Variants in KHDRBS2 observed in about 807,000 individuals in gnomAD.
KHDRBS2 encodes KH domain-containing, RNA-binding, signal transduction-associated protein 2.
KHDRBS2 carries 26 observed loss-of-function variants against 44.3 expected under a neutral mutation model. That is an observed-to-expected ratio of 0.59 (90% confidence interval 0.43 to 0.81). The LOEUF (loss-of-function observed/expected upper bound fraction) is 0.81. Ranked by LOEUF, KHDRBS2 falls within the 40% of genes least tolerant of loss-of-function variation. The pLI, the probability that KHDRBS2 is intolerant of heterozygous loss-of-function variation, is 0.00. For missense variants in KHDRBS2, 476 were observed against 433.1 expected (o/e 1.10, Z -0.88); for synonymous variants, 194 against 151.1 (o/e 1.28, Z -2.08).
rs565131976 is a variant in KHDRBS2, at chr6:62,037,423, G to GA, written c.336+10454dup. Among the ~76,000 whole-genome samples the GA allele has an allele frequency of 2.4e-3, 346 of 144,600 alleles. 1 individual carries two copies. The highest frequency in any genetic ancestry group is 3.1e-3 in the Non-Finnish European group (202 of 65,720). 94.9% of individuals were successfully genotyped at this position (144,600 alleles called of 152,430 possible). On this transcript the variant is annotated intron_variant, in intron 3 of 8. Transcript: ENST00000281156. ...AGAGTCATTTGGTGTTTCAAATTCT[G>GA]AAAAAAAAATATTCTGATAATTATT...
intron 3 of KHDRBS2, among the ~76,000 whole-genome samples, chr6:61,982,546 C>G (rs1774064806): frequency 1.3e-5 from 2 of 151,914 alleles, no homozygotes; most frequent in South Asian, 4.1e-4. Context: ...TGGCGCATGC[C>G]TGTAATCCCA....
intron 1 of KHDRBS2, among the ~76,000 whole-genome samples, chr6:62,201,735 C>A (rs894003728): frequency 2.0e-5 from 3 of 151,942 alleles, no homozygotes; most frequent in Non-Finnish European, 4.4e-5. Flanking sequence ...GTGCCTAATA[C>A]CTTAAGCTAG....
intron 2 of KHDRBS2, among the ~76,000 whole-genome samples, chr6:62,105,021 T>A (rs2127377290): frequency 6.6e-6 from 1 of 152,240 alleles, no homozygotes; most frequent in East Asian, 1.9e-4. Flanking sequence ...ATGCTGTGTC[T>A]GTAAATTGAA....
chr6:61,591,179 C>T, the KHDRBS2 span, among the ~76,000 whole-genome samples: 26,041 of 152,062 alleles, frequency 0.17, 2,470 homozygotes, highest in East Asian at 0.29. Flanking sequence ...ATTCCTTCAT[C>T]ATTGACAGAG....
intron 6 of KHDRBS2, among the ~76,000 whole-genome samples, chr6:61,849,104 T>C (rs1408078034): frequency 2.0e-5 from 3 of 152,106 alleles, no homozygotes. Flanking sequence ...TCAGTAGAGA[T>C]GCTAATATTT....
chr6:61,579,202 C>T, the KHDRBS2 span, among the ~76,000 whole-genome samples: 1 of 152,104 alleles, frequency 6.6e-6, no homozygotes, highest in African/African-American at 2.4e-5. Context: ...TATTCTGTGC[C>T]CAGCTCAGTT....
intron 8 of KHDRBS2, among the ~76,000 whole-genome samples, chr6:61,686,780 C>A (rs1397328535): frequency 6.6e-6 from 1 of 151,166 alleles, no homozygotes; most frequent in African/African-American, 2.4e-5. Flanking sequence ...AACCCTTTCT[C>A]TTTTTCCTCT....
At chr6:61,601,838 C>A in the KHDRBS2 span, among the ~76,000 whole-genome samples, 1 of 152,146 alleles carries the variant, frequency 6.6e-6, no homozygotes, top group Non-Finnish European at 1.5e-5. Flanking sequence ...CACACCTGGT[C>A]CAGCTTACAG....
chr6:61,653,923 A>G, the KHDRBS2 span, among the ~76,000 whole-genome samples: 1 of 152,034 alleles, frequency 6.6e-6, no homozygotes, highest in African/African-American at 2.4e-5. Context: ...AAAGTCCAAA[A>G]TAAGTTTAAC....
intron 3 of KHDRBS2, among the ~76,000 whole-genome samples, chr6:62,000,462 C>T (rs1373965013): frequency 6.6e-6 from 1 of 152,072 alleles, no homozygotes; most frequent in African/African-American, 2.4e-5. Context: ...GAATAAGCAA[C>T]AATGAGATCT....
the KHDRBS2 span, among the ~76,000 whole-genome samples, chr6:61,588,559 G>A: frequency 6.6e-6 from 1 of 152,020 alleles, no homozygotes; most frequent in Non-Finnish European, 1.5e-5. Flanking sequence ...GAGGTGGGAG[G>A]GTTGTTTGAG....
intron 6 of KHDRBS2, among the ~76,000 whole-genome samples, chr6:61,890,197 A>C (rs1195200586): frequency 6.6e-6 from 1 of 152,254 alleles, no homozygotes; most frequent in African/African-American, 2.4e-5. Context: ...ACCTAAAATA[A>C]GATGGAGGCT....
chr6:61,746,781 G>T (rs1241792802), intron 6 of KHDRBS2, among the ~76,000 whole-genome samples: 2 of 152,070 alleles, frequency 1.3e-5, no homozygotes, highest in Non-Finnish European at 2.9e-5. Context: ...AACCCTAGAA[G>T]AAAACCTAGG....
At chr6:61,617,162 T>C in the KHDRBS2 span, among the ~76,000 whole-genome samples, 2 of 152,214 alleles carry the variant, frequency 1.3e-5, no homozygotes, top group African/African-American at 4.8e-5. Flanking sequence ...TACTTTGATA[T>C]ATGTAATTGT....
chr6:61,782,703 ATAT>A (rs1783149831), intron 6 of KHDRBS2, among the ~76,000 whole-genome samples: 1 of 64,504 alleles, frequency 1.6e-5, no homozygotes, highest in Non-Finnish European at 2.6e-5. Context: ...ATATATATAT[ATAT>A]ATATATATAT....
At chr6:61,787,970 T>C (rs939529667) in intron 6 of KHDRBS2, among the ~76,000 whole-genome samples, 2 of 151,658 alleles carry the variant, frequency 1.3e-5, no homozygotes, top group African/African-American at 4.8e-5. Flanking sequence ...CACCACATAA[T>C]ATATCATTGT....
intron 1 of KHDRBS2, among the ~76,000 whole-genome samples, chr6:62,192,475 A>T (rs555967932): frequency 6.6e-6 from 1 of 152,262 alleles, no homozygotes; most frequent in Admixed American, 6.5e-5. Flanking sequence ...TGTGATGATT[A>T]TATAAAATGG....
rs375634561 is a variant in KHDRBS2 at position 61,954,905 on chromosome 6, TGTGC to T, written c.483+23157_483+23160del. On this transcript the variant is annotated intron_variant, in intron 4 of 8. Coordinates refer to ENST00000281156, the MANE Select transcript of KHDRBS2 (RefSeq NM_152688.4). ...ATATGTATATATACACATACATATG[TGTGC>T]ATACATATATATGTATACACATACA... Among the ~76,000 whole-genome samples, 144 of 103,272 alleles carry T rather than the reference TGTGC, an allele frequency of 1.4e-3. 7 individuals are homozygous for T. The highest frequency in any genetic ancestry group is 2.0e-3 in the Admixed American group (18 of 9,148). The allele number at this position is 103,272 out of a possible 152,430, so 67.8% of individuals were successfully genotyped here. A position where few individuals can be genotyped will look rare whatever the true frequency, so the allele number is the denominator to read the frequency against.
chr6:62,246,077 C>T (rs1057100488), intron 1 of KHDRBS2, among the ~76,000 whole-genome samples: 1 of 133,896 alleles, frequency 7.5e-6, no homozygotes, highest in Non-Finnish European at 1.6e-5. Context: ...AGTTCTACAG[C>T]ATAGAAACAT....
Sources: allele counts gnomAD v4.1 joint callset (sites outside exome capture counted in the v4.1 genomes callset), GRCh38; gene constraint gnomAD v4.1.1; transcripts MANE v1.5; gene names NCBI Gene and HGNC (gene_info 2026-07-23, HGNC 2026-07-21).